The following SIRT6 variants were observed in gnomAD, a reference collection of about 807,000 sequenced individuals.
SIRT6 encodes NAD-dependent protein deacylase sirtuin-6.
In SIRT6, 21 loss-of-function variants were observed where a neutral mutation model predicts 33.6. The ratio of observed to expected loss-of-function variants is 0.62; its 90% confidence interval spans 0.44 to 0.90. SIRT6 has a LOEUF of 0.90. Among genes scored for constraint, SIRT6 ranks in the 40% least tolerant of loss-of-function variants. SIRT6 has a pLI of 0.00. For synonymous variants in SIRT6, 221 were observed against 223.9 expected, an observed-to-expected ratio of 0.99 and a Z score of 0.12; for missense variants, 504 against 510.6, an observed-to-expected ratio of 0.99 and a Z score of 0.12.
At chr19:4,178,238 G>A (rs1967420423) in intron 3 of SIRT6, among the ~76,000 whole-genome samples, 4 of 151,662 alleles carry the variant, frequency 2.6e-5, no homozygotes, top group Admixed American at 2.6e-4. Context: ...TGTTGGCCAG[G>A]CTGGTCTCGA....
At chr19:4,176,940 A>C (rs1366165719) in intron 4 of SIRT6, 139 bp downstream of exon 4, 8 of 355,660 alleles carry the variant, frequency 2.2e-5, no homozygotes, top group South Asian at 5.2e-5. Flanking sequence ...ATATCCCCCC[A>C]AGAGGGAGAC....
chr19:4,180,246 A>G (rs1967547581), intron 2 of SIRT6, among the ~76,000 whole-genome samples: 1 of 151,778 alleles, frequency 6.6e-6, no homozygotes, highest in African/African-American at 2.4e-5. Context: ...CTGCGATTAC[A>G]GGTGCCTGCC....
chr19:4,176,802 G>A (rs1281178733), intron 4 of SIRT6, among the ~76,000 whole-genome samples: 2 of 152,132 alleles, frequency 1.3e-5, no homozygotes, highest in Non-Finnish European at 1.5e-5. Context: ...CTGCTCATCT[G>A]TGGCAGGTTG....
chr19:4,177,857 C>T (rs112970274), intron 3 of SIRT6, among the ~76,000 whole-genome samples: 2,720 of 151,028 alleles, frequency 0.018, 88 homozygotes, highest in African/African-American at 0.063. Flanking sequence ...CCCAAAGTGC[C>T]GGGATTACAG....
intron 1 of SIRT6, among the ~76,000 whole-genome samples, chr19:4,181,770 C>A: frequency 6.6e-6 from 1 of 151,946 alleles, no homozygotes; most frequent in East Asian, 1.9e-4. Context: ...CCAGCCTGGG[C>A]GACAGAGAAA....
intron 3 of SIRT6, among the ~76,000 whole-genome samples, chr19:4,178,026 C>A (rs1346857098): frequency 1.3e-5 from 2 of 150,806 alleles, no homozygotes; most frequent in African/African-American, 4.9e-5. Flanking sequence ...CCTGACCCTC[C>A]TTTGCTTTTT....
At position 4,174,194 on chromosome 19, in the gene SIRT6, G is replaced by A. The variant is rs1194740029; in HGVS notation, c.*423C>T. ...GTCTCCCTCCAGCCCCAAAGGCAGT[G>A]CAAGCCTCTACTGATCCCCCACTTC... is the stretch of plus-strand genomic sequence containing the variant. On this transcript the variant is annotated 3_prime_UTR_variant, in exon 8 of 8. Transcript: ENST00000337491. This position sits in a 1 kb window ranked among gnomAD's most constrained non-coding sequence, Gnocchi z 4.2. 2.4e-5 allele frequency: 4 copies of A among 168,466 alleles called. No individual in the cohort carries two copies. Among genetic ancestry groups the A allele is most frequent in the Non-Finnish European group, 5.0e-5 (4 of 79,672 alleles). 10.4% of individuals were successfully genotyped at this position (168,466 alleles called of 1,614,324 possible).
intron 2 of SIRT6, 73 bp downstream of exon 2, chr19:4,180,709 T>C (rs1301072346): frequency 6.5e-7 from 1 of 1,540,666 alleles, no homozygotes; most frequent in East Asian, 2.3e-5. Flanking sequence ...CATTCCCAGA[T>C]GTGTGTGGCT....
At chr19:4,179,561 G>C in intron 2 of SIRT6, 1 of 490,494 alleles carries the variant, frequency 2.0e-6, no homozygotes, top group South Asian at 3.2e-5. Context: ...AGAGGGAGAG[G>C]CAGAGAGAGA....
chr19:4,177,506 G>C (rs1967375881), intron 3 of SIRT6, among the ~76,000 whole-genome samples: 1 of 151,958 alleles, frequency 6.6e-6, no homozygotes, highest in African/African-American at 2.4e-5. Flanking sequence ...TATAATGGAA[G>C]AAACCGAGAC....
Position 4,174,985 on chromosome 19 carries a change from G to C in SIRT6, c.739-39C>G, listed in dbSNP as rs200478062. ...GGACGGGTCAGGCGTGGGGGACAGA[G>C]GGTGCATGGTGGCCCTGGGCAGGGG... is the stretch of plus-strand genomic sequence containing the variant. On this transcript the variant is annotated intron_variant, in intron 7 of 7. Transcript: ENST00000337491. This position sits in a 1 kb window ranked among gnomAD's most constrained non-coding sequence, Gnocchi z 4.2. 6.2e-7 allele frequency: 1 copy of C among 1,608,434 alleles called. No individual in the cohort carries two copies. Among genetic ancestry groups the C allele is most frequent in the Admixed American group, 1.7e-5 (1 of 59,720 alleles).
intron 6 of SIRT6, 156 bp downstream of exon 6, chr19:4,175,524 T>C: frequency 1.5e-6 from 1 of 680,892 alleles, no homozygotes; most frequent in Non-Finnish European, 2.4e-6. Flanking sequence ...TGTGTGTGAG[T>C]GCGTGTGTGC....
chr19:4,181,007 G>A, intron 1 of SIRT6, 98 bp from the exon 2 acceptor site: 4 of 1,464,504 alleles, frequency 2.7e-6, no homozygotes, highest in African/African-American at 1.4e-5. Flanking sequence ...TCTTGCCTGA[G>A]GGAGGAAAAT....
intron 2 of SIRT6, 118 bp downstream of exon 2, chr19:4,180,664 G>T: frequency 1.5e-6 from 2 of 1,362,628 alleles, no homozygotes; most frequent in Non-Finnish European, 2.0e-6. Flanking sequence ...GAGTACCCAG[G>T]ACACATCCAG....
intron 4 of SIRT6, among the ~76,000 whole-genome samples, chr19:4,176,466 G>A (rs1967311749): frequency 6.6e-6 from 1 of 152,176 alleles, no homozygotes; most frequent in Non-Finnish European, 1.5e-5. Context: ...GCGGGCGCCT[G>A]CAGTTGCAGC....
At chr19:4,176,033 G>GACA in intron 4 of SIRT6, 96 bp from the exon 5 acceptor site, 1 of 1,076,820 alleles carries the variant, frequency 9.3e-7, no homozygotes, top group Non-Finnish European at 1.4e-6. Flanking sequence ...GGGAGGTGGG[G>GACA]GGTGGACAGG....
Position 4,179,011 on chromosome 19 carries a change from A to G in SIRT6, c.377+93T>C, listed in dbSNP as rs183525012. The G allele has an allele frequency of 4.0e-3, 5,956 of 1,471,010 alleles. 15 individuals carry two copies. The highest frequency in any genetic ancestry group is 4.9e-3 in the Non-Finnish European group (5,327 of 1,088,044). 91.1% of individuals were successfully genotyped at this position (1,471,010 alleles called of 1,614,324 possible). A position where few individuals can be genotyped will look rare whatever the true frequency, so the allele number is the denominator to read the frequency against. On this transcript the variant is annotated intron_variant, in intron 3 of 7. Coordinates refer to ENST00000337491, the MANE Select transcript of SIRT6 (RefSeq NM_016539.4). ...GCCAAGAACTCAGGGCTAGAATCTT[A>G]TAGAACCAGGAAAAGGGGACTCTCC...
Position 4,175,411 on chromosome 19 carries a change from T to C in SIRT6, c.615-260A>G, listed in dbSNP as rs955614931. On this transcript the variant is annotated intron_variant, in intron 6 of 7. Coordinates refer to ENST00000337491, the MANE Select transcript of SIRT6 (RefSeq NM_016539.4). Reference sequence around the variant, plus strand: ...AGCTTGGACACCTAGGGTGGGACCCTGGCTCGGTCACCTCCCGGCTGGGCA... The same window carrying C: ...AGCTTGGACACCTAGGGTGGGACCCCGGCTCGGTCACCTCCCGGCTGGGCA... 9 of 634,836 alleles carry C rather than the reference T, an allele frequency of 1.4e-5. No homozygotes were observed. In the African/African-American group the frequency reaches 1.7e-4, roughly 12 times the overall value. The allele number at this position is 634,836 out of a possible 1,614,324, so 39.3% of individuals were successfully genotyped here.
intron 4 of SIRT6, among the ~76,000 whole-genome samples, chr19:4,176,160 G>A (rs1360442516): frequency 6.6e-6 from 1 of 152,206 alleles, no homozygotes; most frequent in African/African-American, 2.4e-5. Flanking sequence ...CCAGACAGAC[G>A]AAGGGGCTCG....
Sources: gnomAD v4.1 joint callset for allele counts (sites outside exome capture counted in the v4.1 genomes callset) on GRCh38, gnomAD v4.1.1 for gene constraint, Gnocchi (gnomAD v3.1) non-coding constraint, MANE v1.5 for transcripts, NCBI Gene and HGNC (gene_info 2026-07-23, HGNC 2026-07-21) for gene names.